EIF3K: variants seen among roughly 807,000 people sequenced by gnomAD.
EIF3K encodes the protein eIF-3 p28.
A neutral mutation model predicts 34.2 loss-of-function variants in EIF3K; 27 were observed. The ratio of observed to expected loss-of-function variants is 0.79; its 90% CI spans 0.58 to 1.09. EIF3K has a LOEUF of 1.09. EIF3K is among the 50% of genes least tolerant of loss of function. EIF3K has a pLI of 0.00. For synonymous variants in EIF3K, 105 were observed against 105.7 expected (o/e 0.99, Z 0.04); for missense variants, 232 against 275.4 (o/e 0.84, Z 1.11).
At chr19:38,633,237 G>C (rs192257664) in intron 6 of EIF3K, among the ~76,000 whole-genome samples, 1 of 152,110 alleles carries the variant, frequency 6.6e-6, no homozygotes, top group Non-Finnish European at 1.5e-5. Context: ...GTGGGGCCTC[G>C]GGAGGACCTT....
At chr19:38,634,110 T>C (rs975326760) in intron 6 of EIF3K, among the ~76,000 whole-genome samples, 2 of 139,806 alleles carry the variant, frequency 1.4e-5, no homozygotes, top group African/African-American at 5.4e-5. Context: ...TTTTTTTTTT[T>C]TTTTTTTGAG....
intron 2 of EIF3K, 46 bp from the exon 3 acceptor site, chr19:38,624,025 ATTGGGG>A: frequency 6.2e-7 from 1 of 1,612,380 alleles, no homozygotes; most frequent in East Asian, 2.2e-5. Flanking sequence ...CCTGGTGAGG[ATTGGGG>A]ACTTGGAGGT....
At chr19:38,621,903 CTTTTTTT>C (rs914363057) in intron 2 of EIF3K, among the ~76,000 whole-genome samples, 6 of 111,478 alleles carry the variant, frequency 5.4e-5, no homozygotes, top group African/African-American at 1.8e-4. Context: ...TCTTCGTGCC[CTTTTTTT>C]TTTTTTTTTT....
chr19:38,630,097 A>G (rs536577023), intron 4 of EIF3K, among the ~76,000 whole-genome samples: 14 of 151,404 alleles, frequency 9.2e-5, no homozygotes, highest in Non-Finnish European at 1.5e-4. Flanking sequence ...CTTACATCAC[A>G]TGGCTACACT....
At chr19:38,632,575 A>G (rs1191490160) in intron 5 of EIF3K, 26 bp from the exon 6 acceptor site, 1 of 1,613,198 alleles carries the variant, frequency 6.2e-7, no homozygotes, top group African/African-American at 1.3e-5. Context: ...ACAGCTGCTC[A>G]CCGGTTTTGT....
chr19:38,621,346 G>A (rs942294319), intron 2 of EIF3K, among the ~76,000 whole-genome samples: 1 of 151,934 alleles, frequency 6.6e-6, no homozygotes, highest in Non-Finnish European at 1.5e-5. Flanking sequence ...CTGGGAGGCA[G>A]AGGTTGCAGT....
intron 6 of EIF3K, among the ~76,000 whole-genome samples, chr19:38,633,662 C>G (rs182575336): frequency 6.7e-6 from 1 of 149,690 alleles, no homozygotes; most frequent in Non-Finnish European, 1.5e-5. Flanking sequence ...CGCACCATTG[C>G]ACTAGTGATA....
Position 38,635,000 on chromosome 19 carries a change from G to C in EIF3K, c.507G>C (p.Gln169His). Residue 169 changes from glutamine (Q) to histidine (H), a missense_variant, in exon 7 of 8, where the codon CAG (glutamine) becomes CAC (histidine). Coordinates refer to ENST00000248342, the MANE Select transcript of EIF3K (RefSeq NM_013234.4). The stretch of plus-strand genomic sequence containing the variant: ...TGCCCCTGTCACCTGCAGACAGCCA[G>C]CTAAAGGTGTGGATGAGCAAATACG... ...AEMLGDLSDS[Q>H]LKVWMSKYGW... 6.2e-7 allele frequency: 1 copy of C among 1,614,150 alleles called. No homozygotes were observed. Among genetic ancestry groups the C allele is most frequent in the Non-Finnish European group, 8.5e-7 (1 of 1,180,048 alleles).
chr19:38,636,894 T>C lies in EIF3K; in HGVS notation c.631T>C (p.Ser211Pro). Residue 211 changes from serine (S) to proline (P), a missense_variant, in exon 8 of 8, where the codon TCC (serine) becomes CCC (proline). Physicochemically the swap from Ser to Pro is moderately conservative, Grantham distance 74. Transcript: ENST00000248342. ...IVEKIDFDSVSSIMASSQ is the reference protein window; with the variant it reads ...IVEKIDFDSVPSIMASSQ ...TGGTCTCTCCTTCCCCACAGGTGTG[T>C]CCAGCATCATGGCCTCCTCCCAGTA... The C allele has an allele frequency of 6.2e-7, 1 of 1,614,134 alleles. No homozygotes were observed.
At chr19:38,626,193 C>CGGTCA in intron 4 of EIF3K, 91 bp downstream of exon 4, 1 of 1,245,758 alleles carries the variant, frequency 8.0e-7, no homozygotes, top group Non-Finnish European at 1.2e-6. Context: ...TGACTGGCTT[C>CGGTCA]CTGCTTTGGC....
intron 2 of EIF3K, among the ~76,000 whole-genome samples, chr19:38,620,878 GACCGA>G (rs998494113): frequency 6.7e-6 from 1 of 149,316 alleles, no homozygotes; most frequent in African/African-American, 2.5e-5. Context: ...TGGGCAACAA[GACCGA>G]AACTCCGTCT....
Position 38,634,485 on chromosome 19 carries a change from C to T in EIF3K, c.500-508C>T, listed in dbSNP as rs1175526719. ...TGGTGGCGCATGCCTATAATCCCAG[C>T]TACTCGGGAGGCTGAGGCAGGAGAA... On this transcript the variant is annotated intron_variant, in intron 6 of 7. Transcript: ENST00000248342. Among the ~76,000 whole-genome samples the T allele has an allele frequency of 2.0e-5, 3 of 151,650 alleles. No individual in the cohort carries two copies. In the East Asian group the frequency reaches 5.9e-4, roughly 30 times the overall value.
At chr19:38,635,826 T>G (rs3786834) in intron 7 of EIF3K, 37,443 of 152,198 alleles carry the variant, frequency 0.25, 6,041 homozygotes, top group East Asian at 0.58. Flanking sequence ...CGGCAGCGGG[T>G]GCTGCTTCAC....
At chr19:38,634,205 TC>T (rs1976136334) in intron 6 of EIF3K, among the ~76,000 whole-genome samples, 2 of 140,178 alleles carry the variant, frequency 1.4e-5, no homozygotes, top group Admixed American at 1.5e-4. Flanking sequence ...CAAACAATTC[TC>T]CTGCCTCAGC....
At position 38,626,168 on chromosome 19, in the gene EIF3K, A is replaced by G; in HGVS notation, c.354+66A>G. ...CCATGTGGAGCTGAGTGCTAAAAGT[A>G]ACAACGGTGCACACTGACTGGCTTC... On this transcript the variant is annotated intron_variant, in intron 4 of 7. Transcript: ENST00000248342. 2.1e-6 allele frequency: 3 copies of G among 1,446,662 alleles called. No individual in the cohort carries two copies. In the East Asian group the frequency reaches 6.8e-5, roughly 33 times the overall value. The allele number at this position is 1,446,662 out of a possible 1,614,324, so 89.6% of individuals were successfully genotyped here. A position where few individuals can be genotyped will look rare whatever the true frequency, so the allele number is the denominator to read the frequency against.
At chr19:38,635,801 T>C (rs1275034731) in intron 7 of EIF3K, 6 of 152,394 alleles carry the variant, frequency 3.9e-5, no homozygotes, top group African/African-American at 1.4e-4. Flanking sequence ...ACTAAAAAGA[T>C]TGCAGTGGCT....
rs752032430 is a variant in EIF3K, at chr19:38,626,052, A to T, written c.304A>T (p.Ile102Phe). ...AHQEERPIRQILYLGDLLETC... is the reference protein window; with the variant it reads ...AHQEERPIRQFLYLGDLLETC... ...GCAAGAAGAACGGCCAATCCGACAG[A>T]TTTTGTACCTCGGGGACCTGCTGGA... Residue 102 changes from isoleucine to phenylalanine, a missense_variant, in exon 4 of 8, where the codon ATT (isoleucine) becomes TTT (phenylalanine). Coordinates refer to ENST00000248342, the MANE Select transcript of EIF3K (RefSeq NM_013234.4). 1.9e-6 allele frequency: 3 copies of T among 1,614,140 alleles called. No homozygotes were observed. In the Admixed American group the frequency reaches 5.0e-5, roughly 27 times the overall value.
rs527692227 is a variant in EIF3K, at chr19:38,631,967, G to A, written c.355-463G>A. 3.1e-5 allele frequency: 6 copies of A among 191,238 alleles called. 1 individual carries two copies. Among genetic ancestry groups the A allele is most frequent in the African/African-American group, 1.2e-4 (5 of 41,884 alleles). The allele number at this position is 191,238 out of a possible 1,614,324, so 11.8% of individuals were successfully genotyped here. On this transcript the variant is annotated intron_variant, in intron 4 of 7. Coordinates refer to ENST00000248342, the MANE Select transcript of EIF3K (RefSeq NM_013234.4). ...ACATGTCTCAGGGAGCACGGGGTAAGGTTACAGATTAACAGCATCTCAAGG... is the reference window on the plus strand; with the variant it reads ...ACATGTCTCAGGGAGCACGGGGTAAAGTTACAGATTAACAGCATCTCAAGG...
chr19:38,636,765 A>G, intron 7 of EIF3K, 124 bp from the exon 8 acceptor site: 2 of 1,125,014 alleles, frequency 1.8e-6, no homozygotes, highest in Non-Finnish European at 2.7e-6. Context: ...TGCCTTTGTG[A>G]TGGTAACTGG....
Sources: gnomAD v4.1 joint callset for allele counts (sites outside exome capture counted in the v4.1 genomes callset) on GRCh38, gnomAD v4.1.1 for gene constraint, MANE v1.5 for transcripts, NCBI Gene and HGNC (gene_info 2026-07-23, HGNC 2026-07-21) for gene names.